RPS6KC1: variants seen among roughly 807,000 people sequenced by gnomAD.
The protein encoded by RPS6KC1 is ribosomal protein S6 kinase C1.
A neutral mutation model predicts 103.8 loss-of-function variants in RPS6KC1; 54 were observed. That is an observed-to-expected ratio of 0.52 (90% CI 0.42 to 0.65). The LOEUF (loss-of-function observed/expected upper bound fraction) is 0.65. Among genes scored for constraint, RPS6KC1 ranks in the 30% least tolerant of loss-of-function variants. RPS6KC1 has a pLI of 0.00. For missense variants in RPS6KC1, 1,151 were observed against 1,253.8 expected (o/e 0.92, Z 1.24); for synonymous variants, 439 against 438.7 (o/e 1.00, Z -0.01).
the RPS6KC1 span, among the ~76,000 whole-genome samples, chr1:213,619,445 A>G: frequency 6.6e-6 from 1 of 152,242 alleles, no homozygotes; most frequent in Non-Finnish European, 1.5e-5. Context: ...ATTTACATCT[A>G]TTAAAATCCA....
chr1:213,313,937 G>A, the RPS6KC1 span, among the ~76,000 whole-genome samples: 1 of 152,108 alleles, frequency 6.6e-6, no homozygotes, highest in South Asian at 2.1e-4. Context: ...TGGGCGACAG[G>A]CGGAGACTCG....
At chr1:213,321,313 A>G in the RPS6KC1 span, among the ~76,000 whole-genome samples, 1 of 152,138 alleles carries the variant, frequency 6.6e-6, no homozygotes, top group Admixed American at 6.6e-5. Context: ...TTCCCACCGT[A>G]TATTTTGAAT....
At chr1:213,611,195 T>A in the RPS6KC1 span, among the ~76,000 whole-genome samples, 1 of 152,302 alleles carries the variant, frequency 6.6e-6, no homozygotes, top group South Asian at 2.1e-4. Context: ...GGGAACAACA[T>A]TTTGTAATGT....
the RPS6KC1 span, among the ~76,000 whole-genome samples, chr1:213,621,437 T>C: frequency 4.0e-5 from 6 of 148,610 alleles, no homozygotes; most frequent in East Asian, 1.0e-3. Context: ...GGGTTGGGGA[T>C]GGCTAGGCAT....
chr1:213,281,752 C>T, the RPS6KC1 span, among the ~76,000 whole-genome samples: 1 of 152,194 alleles, frequency 6.6e-6, no homozygotes, highest in Non-Finnish European at 1.5e-5. Context: ...GAGGGGAGAG[C>T]AGTTGCTGCC....
chr1:213,256,538 A>G (rs1236801337), intron 12 of RPS6KC1, among the ~76,000 whole-genome samples: 1 of 152,116 alleles, frequency 6.6e-6, no homozygotes, highest in Non-Finnish European at 1.5e-5. Flanking sequence ...TGAGCTAAAA[A>G]AAAAAAAAAG....
the RPS6KC1 span, among the ~76,000 whole-genome samples, chr1:213,580,561 C>T: frequency 6.6e-6 from 1 of 151,948 alleles, no homozygotes; most frequent in African/African-American, 2.4e-5. Flanking sequence ...TCAAATAACA[C>T]CTCGTACCAC....
chr1:213,831,094 G>T, the RPS6KC1 span, among the ~76,000 whole-genome samples: 4 of 152,128 alleles, frequency 2.6e-5, no homozygotes. Flanking sequence ...TCTTCCTTCT[G>T]CCTGGCCACC....
Position 213,087,586 on chromosome 1 carries a change from T to C in RPS6KC1, c.262+9770T>C, listed in dbSNP as rs1292497630. On this transcript the variant is annotated intron_variant, in intron 3 of 14. Transcript: ENST00000366960. ...AACGGAGGGCACTCCATTTCAGGAG[T>C]ATAGGGGGCTTGTCTTCCTTCTTCC... Among the ~76,000 whole-genome samples the C allele has an allele frequency of 2.0e-5, 3 of 152,166 alleles. No homozygotes were observed. The East Asian group carries it at 5.8e-4, about 29-fold the overall frequency.
the RPS6KC1 span, among the ~76,000 whole-genome samples, chr1:213,289,073 G>A: frequency 2.4e-3 from 362 of 151,986 alleles, 2 homozygotes; most frequent in African/African-American, 8.2e-3. Context: ...TTCCTCAGGC[G>A]CCCCCAGCCA....
chr1:213,743,584 T>G, the RPS6KC1 span, among the ~76,000 whole-genome samples: 42 of 152,302 alleles, frequency 2.8e-4, no homozygotes, highest in African/African-American at 9.9e-4. Flanking sequence ...TCAATGCCAT[T>G]TGTTTCCTTG....
the RPS6KC1 span, among the ~76,000 whole-genome samples, chr1:213,809,344 C>G: frequency 2.0e-5 from 3 of 151,980 alleles, no homozygotes; most frequent in African/African-American, 4.8e-5. Context: ...ATAGTAACAT[C>G]GAAGATCACT....
chr1:213,492,040 C>G, the RPS6KC1 span, among the ~76,000 whole-genome samples: 1 of 152,188 alleles, frequency 6.6e-6, no homozygotes, highest in Non-Finnish European at 1.5e-5. Context: ...AGTGGGCTCC[C>G]TCCCCCGTAT....
chr1:213,094,495 G>A (rs1456788142), intron 3 of RPS6KC1, among the ~76,000 whole-genome samples: 3 of 151,558 alleles, frequency 2.0e-5, no homozygotes, highest in East Asian at 3.9e-4. Flanking sequence ...TTTAAAGAAC[G>A]TAGAACAGTA....
the RPS6KC1 span, among the ~76,000 whole-genome samples, chr1:213,374,726 C>T: frequency 6.6e-6 from 1 of 152,150 alleles, no homozygotes. Context: ...GGCTGACCTT[C>T]GGATAATGAA....
chr1:213,617,328 T>C, the RPS6KC1 span, among the ~76,000 whole-genome samples: 3 of 152,160 alleles, frequency 2.0e-5, no homozygotes, highest in South Asian at 4.1e-4. Context: ...TAAAGTCAAC[T>C]GTGTTTGCTT....
At chr1:213,211,743 C>T (rs1222220738) in intron 8 of RPS6KC1, among the ~76,000 whole-genome samples, 2 of 152,122 alleles carry the variant, frequency 1.3e-5, no homozygotes, top group Non-Finnish European at 2.9e-5. Flanking sequence ...ACATTTGGCT[C>T]ATATGAATAT....
At chr1:213,512,445 G>C in the RPS6KC1 span, among the ~76,000 whole-genome samples, 1 of 152,150 alleles carries the variant, frequency 6.6e-6, no homozygotes, top group Non-Finnish European at 1.5e-5. Flanking sequence ...TTTCTGAGTG[G>C]CTGTAATAAA....
At chr1:213,052,665 C>G (rs912923649) in intron 1 of RPS6KC1, among the ~76,000 whole-genome samples, 3 of 152,066 alleles carry the variant, frequency 2.0e-5, no homozygotes, top group African/African-American at 7.2e-5. Flanking sequence ...CTCAGCCTCC[C>G]GAGTAGCTGG....
Sources: allele counts gnomAD v4.1 joint callset (sites outside exome capture counted in the v4.1 genomes callset), GRCh38; gene constraint gnomAD v4.1.1; transcripts MANE v1.5; gene names NCBI Gene and HGNC (gene_info 2026-07-23, HGNC 2026-07-21).